ZNF606: variants seen among roughly 807,000 people sequenced by gnomAD.
ZNF606 encodes zinc finger protein 328.
In ZNF606, 37 loss-of-function variants were observed where a neutral mutation model predicts 74.9. The observed-to-expected ratio is 0.49, with a 90% confidence interval of 0.38 to 0.65. The LOEUF (loss-of-function observed/expected upper bound fraction) is 0.65, where lower values mean the gene tolerates loss of function less well. Among genes scored for constraint, ZNF606 ranks in the 30% least tolerant of loss-of-function variants. ZNF606 has a pLI of 0.00. For synonymous variants in ZNF606, 328 were observed against 312.4 expected (o/e 1.05, Z -0.53); for missense variants, 852 against 952.9 (o/e 0.89, Z 1.39).
chr19:58,003,000 C>A, upstream of ZNF606: 1 of 453,870 alleles, frequency 2.2e-6, no homozygotes, highest in South Asian at 1.6e-5. Context: ...TGTCCCGGTC[C>A]CAGACCACCC....
intron 4 of ZNF606, among the ~76,000 whole-genome samples, chr19:57,995,348 A>C (rs945409630): frequency 6.6e-6 from 1 of 152,184 alleles, no homozygotes; most frequent in Non-Finnish European, 1.5e-5. Context: ...TGGGGGAAAG[A>C]GGAACTTATA....
At chr19:57,983,434 C>T (rs577527383) in intron 6 of ZNF606, among the ~76,000 whole-genome samples, 76 of 152,010 alleles carry the variant, frequency 5.0e-4, no homozygotes, top group African/African-American at 1.8e-3. Context: ...AAAAATTAGC[C>T]GGGCATAGTG....
At chr19:57,985,108 AAAC>A (rs759358787) in intron 6 of ZNF606, among the ~76,000 whole-genome samples, 20 of 152,116 alleles carry the variant, frequency 1.3e-4, no homozygotes, top group Non-Finnish European at 2.2e-4. Context: ...ACAAAAACAA[AAAC>A]AACAACAACA....
intron 6 of ZNF606, among the ~76,000 whole-genome samples, chr19:57,984,236 C>A (rs2073132073): frequency 6.6e-6 from 1 of 152,196 alleles, no homozygotes; most frequent in Non-Finnish European, 1.5e-5. Flanking sequence ...GATGGGAGAA[C>A]ATCTAGAAAG....
chr19:57,980,225 T>A lies in ZNF606; in HGVS notation c.455A>T (p.Glu152Val). The A allele has an allele frequency of 1.2e-6, 2 of 1,614,046 alleles. No homozygotes were observed. Among genetic ancestry groups the A allele is most frequent in the Non-Finnish European group, 1.7e-6 (2 of 1,180,010 alleles). Residue 152 changes from glutamate to valine, a missense_variant, in exon 7 of 7, where the codon GAG becomes GTG. By Grantham distance (121) the Glu-to-Val change is moderately radical (BLOSUM62 -2). Coordinates refer to ENST00000551380, the MANE Select transcript of ZNF606 (RefSeq NM_001348022.3). ...KALIPAQSIF[E>V]EEQSHGMKLE... The stretch of plus-strand genomic sequence containing the variant: ...CTTCATGCCATGGGATTGTTCTTCC[T>A]CAAAAATGCTCTGTGCTGGGATCAA...
intron 4 of ZNF606, among the ~76,000 whole-genome samples, chr19:57,991,794 A>C (rs1385842241): frequency 6.6e-6 from 1 of 151,896 alleles, no homozygotes; most frequent in East Asian, 1.9e-4. Context: ...TAAATAAATA[A>C]ATAAATAAAT....
At chr19:57,981,271 T>C (rs2073081719) in intron 6 of ZNF606, among the ~76,000 whole-genome samples, 1 of 152,194 alleles carries the variant, frequency 6.6e-6, no homozygotes, top group Non-Finnish European at 1.5e-5. Context: ...TTGCACCTGG[T>C]CTAACCTCAT....
rs186860154 is a variant in ZNF606 at position 57,988,945 on chromosome 19, C to T, written c.178-224G>A. 5.8e-4 allele frequency among the ~76,000 whole-genome samples: 89 copies of T among 152,284 alleles called. 1 individual carries two copies. In the East Asian group the frequency reaches 0.014, roughly 24 times the overall value. On this transcript the variant is annotated intron_variant, in intron 4 of 6. Coordinates refer to ENST00000551380, the MANE Select transcript of ZNF606 (RefSeq NM_001348022.3). Reference sequence around the variant, plus strand: ...ATTAGATACCTGGGTCCACAATAACCACAGCAAAGCTGAGCAGGTCTCTTC... The same window carrying T: ...ATTAGATACCTGGGTCCACAATAACTACAGCAAAGCTGAGCAGGTCTCTTC...
chr19:58,003,346 C>A (rs550571572), upstream of ZNF606: 4 of 456,012 alleles, frequency 8.8e-6, no homozygotes, highest in East Asian at 6.9e-5. Context: ...TGTGAGTTTT[C>A]CTCTATCGAT....
intron 4 of ZNF606, 74 bp downstream of exon 4, chr19:57,999,734 G>T (rs750034080): frequency 6.9e-7 from 1 of 1,454,142 alleles, no homozygotes; most frequent in Non-Finnish European, 9.6e-7. Flanking sequence ...TTGTAAACTG[G>T]AGAGCCGCAT....
chr19:58,001,502 ATGTC>A, intron 1 of ZNF606, 132 bp from the exon 2 acceptor site: 1 of 670,224 alleles, frequency 1.5e-6, no homozygotes, highest in Non-Finnish European at 2.6e-6. Context: ...GAGAATTTAC[ATGTC>A]AAAAAAGTAA....
rs138656445 is a variant in ZNF606 at position 57,977,912 on chromosome 19, C to T, written c.*389G>A. The stretch of plus-strand genomic sequence containing the variant: ...TCCAGTACTCCAGCTTGATGCAAAA[C>T]AGTGTATTTCCAGTCAAAAACTTTT... On this transcript the variant is annotated 3_prime_UTR_variant, in exon 7 of 7. Transcript: ENST00000551380. 4.4e-5 allele frequency: 7 copies of T among 159,904 alleles called. No homozygotes were observed. The East Asian group carries it at 1.3e-3, about 30-fold the overall frequency. The allele number at this position is 159,904 out of a possible 1,614,324, so 9.9% of individuals were successfully genotyped here.
At position 57,988,228 on chromosome 19, in the gene ZNF606, A is replaced by G; in HGVS notation, c.379T>C (p.Cys127Arg). 2 of 1,614,002 alleles carry G rather than the reference A, an allele frequency of 1.2e-6. No homozygotes were observed. The highest frequency in any genetic ancestry group is 1.7e-6 in the Non-Finnish European group (2 of 1,179,978). Residue 127 changes from cysteine (C) to arginine (R), a missense_variant, in exon 6 of 7, where the codon TGT (cysteine) becomes CGT (arginine). By Grantham distance (180) the Cys-to-Arg change is radical. This residue lies in a region of ZNF606 where 545 missense variants were observed against 542.5 expected (regional missense o/e 1.00). Transcript: ENST00000551380. ...TCACCTGGACAAGTGCGTTGAGGAC[A>G]TGCCTGCTCCACTGACCACGGCTCT... is the stretch of plus-strand genomic sequence containing the variant. ...GEEPWSVEQA[C>R]PQRTCPEWVR...
chr19:57,985,467 T>G (rs2073150143), intron 6 of ZNF606, among the ~76,000 whole-genome samples: 1 of 152,164 alleles, frequency 6.6e-6, no homozygotes, highest in Admixed American at 6.6e-5. Context: ...GAGGTACTTT[T>G]CTAACATTTA....
chr19:57,995,747 A>G (rs2073330511), intron 4 of ZNF606, among the ~76,000 whole-genome samples: 1 of 152,116 alleles, frequency 6.6e-6, no homozygotes, highest in African/African-American at 2.4e-5. Context: ...TGAACCCGGG[A>G]GGCGGAGACT....
At chr19:58,001,140 C>G in intron 2 of ZNF606, 149 bp downstream of exon 2, 1 of 883,536 alleles carries the variant, frequency 1.1e-6, no homozygotes, top group South Asian at 1.7e-5. Context: ...AACAATTTTC[C>G]TCCTTTACCA....
intron 4 of ZNF606, among the ~76,000 whole-genome samples, chr19:57,993,374 C>A (rs908157913): frequency 2.0e-5 from 3 of 151,848 alleles, no homozygotes; most frequent in African/African-American, 7.3e-5. Flanking sequence ...AAAGAAATAA[C>A]CCAGCCAGTG....
chr19:57,978,693 G>C lies in ZNF606; in HGVS notation c.1987C>G (p.Gln663Glu). The C allele has an allele frequency of 1.2e-6, 2 of 1,614,134 alleles. No homozygotes were observed. Among genetic ancestry groups the C allele is most frequent in the Non-Finnish European group, 8.5e-7 (1 of 1,180,034 alleles). ...CGATGAGCAACAAGGTGACAGCTCT[G>C]ACTGAAGGATTTTCCACATTTATTG... The part of the protein sequence containing the change: ...ECNKCGKSFS[Q>E]SCHLVAHRRI... The change falls in exon 7 of 7, where the codon CAG (glutamine) becomes GAG (glutamate). Residue 663 changes from glutamine to glutamate, a missense_variant. Gln to Glu is a conservative substitution (Grantham distance 29). Coordinates refer to ENST00000551380, the MANE Select transcript of ZNF606 (RefSeq NM_001348022.3). The surrounding 1 kb of genome is among the most constrained non-coding windows in gnomAD (Gnocchi z 4.4).
rs2073045660 is a variant in ZNF606 at position 57,979,484 on chromosome 19, G to A, written c.1196C>T (p.Pro399Leu). 3 of 1,614,006 alleles carry A rather than the reference G, an allele frequency of 1.9e-6. No individual in the cohort carries two copies. The highest frequency in any genetic ancestry group is 1.3e-5 in the African/African-American group (1 of 74,928). Reference protein sequence around the residue: ...QHTSTYTAEKPYDYNECGTSF... With the variant: ...QHTSTYTAEKLYDYNECGTSF... ...CGTCCCACATTCATTGTAGTCATAG[G>A]GTTTCTCTGCAGTGTAAGTGCTTGT... The change falls in exon 7 of 7, where the codon CCC becomes CTC. Residue 399 changes from proline (P) to leucine (L), a missense_variant. Coordinates refer to ENST00000551380, the MANE Select transcript of ZNF606 (RefSeq NM_001348022.3).
Sources: allele counts gnomAD v4.1 joint callset (sites outside exome capture counted in the v4.1 genomes callset), GRCh38; gene constraint gnomAD v4.1.1; regional missense constraint gnomAD v4.1.1; non-coding constraint Gnocchi (gnomAD v3.1); transcripts MANE v1.5; gene names NCBI Gene and HGNC (gene_info 2026-07-23, HGNC 2026-07-21).